The following BCAT1 variants were observed in gnomAD, a reference collection of about 807,000 sequenced individuals.
BCAT1 encodes the protein branched-chain-amino-acid aminotransferase, cytosolic.
Under a neutral mutation model 52.4 loss-of-function variants are expected in BCAT1, and 48 were observed. The observed-to-expected ratio is 0.92, with a 90% confidence interval of 0.73 to 1.16. The LOEUF is 1.16. Ranked by LOEUF, BCAT1 falls within the 50% of genes most tolerant of loss-of-function variation. The pLI is 0.00. For missense variants in BCAT1, 451 were observed against 457.1 expected (o/e 0.99, Z 0.12); for synonymous variants, 167 against 161.3 (o/e 1.04, Z -0.27).
intron 5 of BCAT1, among the ~76,000 whole-genome samples, chr12:24,858,114 GTTT>G (rs1941744923): frequency 6.6e-6 from 1 of 152,176 alleles, no homozygotes; most frequent in Non-Finnish European, 1.5e-5. Context: ...GAAACTGCAT[GTTT>G]TCCCGGCTCT....
chr12:24,816,870 G>C lies in BCAT1; in HGVS notation c.*1138C>G. 1 of 306,586 alleles carries C rather than the reference G, an allele frequency of 3.3e-6. No homozygotes were observed. The highest frequency in any genetic ancestry group is 5.9e-6 in the Non-Finnish European group (1 of 168,124). 19.0% of individuals were successfully genotyped at this position (306,586 alleles called of 1,614,324 possible). A position where few individuals can be genotyped will look rare whatever the true frequency, so the allele number is the denominator to read the frequency against. ...GCATGCAGAGTTCACAATAGGATTT[G>C]TGCTCCTATGAGAATCTAATGCTGC... is the stretch of plus-strand genomic sequence containing the variant. On this transcript the variant is annotated 3_prime_UTR_variant, in exon 11 of 11. Coordinates refer to ENST00000261192, the MANE Select transcript of BCAT1 (RefSeq NM_005504.7).
chr12:24,890,178 CCT>C (rs1273926559), intron 3 of BCAT1, among the ~76,000 whole-genome samples: 5 of 152,188 alleles, frequency 3.3e-5, no homozygotes, highest in African/African-American at 7.2e-5. Context: ...CAACTTGATG[CCT>C]CTCAGTCAGA....
intron 1 of BCAT1, among the ~76,000 whole-genome samples, chr12:24,908,607 G>A (rs1353824926): frequency 6.6e-6 from 1 of 152,046 alleles, no homozygotes; most frequent in Non-Finnish European, 1.5e-5. Flanking sequence ...TGGGCGTGGT[G>A]CCATACACCT....
At chr12:24,906,799 G>A (rs1185777149) in intron 1 of BCAT1, among the ~76,000 whole-genome samples, 2 of 152,146 alleles carry the variant, frequency 1.3e-5, no homozygotes, top group African/African-American at 2.4e-5. Context: ...GATCACCAAT[G>A]TCTATCCATT....
At chr12:24,836,353 A>G (rs571264079) in intron 8 of BCAT1, 158 bp downstream of exon 8, 89 of 655,530 alleles carry the variant, frequency 1.4e-4, no homozygotes, top group African/African-American at 1.3e-3. Context: ...TCTTGCCAAG[A>G]AAGCCCTTCT....
intron 2 of BCAT1, among the ~76,000 whole-genome samples, chr12:24,895,012 T>G (rs1250587434): frequency 3.3e-5 from 5 of 152,204 alleles, no homozygotes; most frequent in Non-Finnish European, 7.3e-5. Context: ...AATGTTTTCC[T>G]CTTTGAAAAC....
At chr12:24,894,588 C>T (rs1942918442) in intron 2 of BCAT1, 113 bp from the exon 3 acceptor site, 1 of 903,676 alleles carries the variant, frequency 1.1e-6, no homozygotes, top group Admixed American at 2.8e-5. Context: ...AGGTTAGCAG[C>T]TAACACAGAA....
intron 10 of BCAT1, among the ~76,000 whole-genome samples, chr12:24,818,367 T>C (rs1425741432): frequency 1.3e-5 from 2 of 152,224 alleles, no homozygotes; most frequent in East Asian, 1.9e-4. Context: ...TTTAGGTACA[T>C]GCCTTTTCAT....
chr12:24,835,544 A>AATTTTATTTT (rs1215115704), intron 8 of BCAT1, among the ~76,000 whole-genome samples: 4 of 149,582 alleles, frequency 2.7e-5, no homozygotes, highest in Admixed American at 1.3e-4. Flanking sequence ...AACCTTTTTA[A>AATTTTATTTT]ATTTTATTTT....
intron 1 of BCAT1, among the ~76,000 whole-genome samples, chr12:24,911,626 C>T (rs957693272): frequency 2.0e-5 from 3 of 152,100 alleles, no homozygotes; most frequent in Non-Finnish European, 4.4e-5. Context: ...ACTCACTCTG[C>T]GAGCAGACAA....
chr12:24,946,998 A>G (rs894322397), intron 1 of BCAT1, among the ~76,000 whole-genome samples: 20 of 152,136 alleles, frequency 1.3e-4, no homozygotes, highest in Non-Finnish European at 2.9e-4. Context: ...ATTGGCCAGC[A>G]TTAAATTCTT....
chr12:24,836,908 GAGAAAGAAAGAAAGAAAGAAAGAAAGAA>G (rs201215375), intron 7 of BCAT1, among the ~76,000 whole-genome samples: 2 of 40,806 alleles, frequency 4.9e-5, no homozygotes, highest in Non-Finnish European at 1.1e-4. Context: ...AAAAGAAAGA[GAGAAAGAAAGAAAGAAAGAAAGAAAGAA>G]AGAAAGAAAG....
At chr12:24,836,844 G>GGA (rs1565454315) in intron 7 of BCAT1, among the ~76,000 whole-genome samples, 1 of 125,230 alleles carries the variant, frequency 8.0e-6, no homozygotes, top group African/African-American at 3.1e-5. Context: ...GAAGGAGAGA[G>GGA]AGAGAAAGAA....
intron 1 of BCAT1, among the ~76,000 whole-genome samples, chr12:24,933,582 C>T (rs1427962333): frequency 6.6e-6 from 1 of 152,220 alleles, no homozygotes; most frequent in South Asian, 2.1e-4. Context: ...AGGGGAGGAA[C>T]CTGGTCGAAG....
Position 24,817,910 on chromosome 12 carries a change from G to T in BCAT1, c.*98C>A. ...GATACTACAAACTACATTATGCACA[G>T]GTAGCCAAAGAAATCTATCACAATT... On this transcript the variant is annotated 3_prime_UTR_variant, in exon 11 of 11. Coordinates refer to ENST00000261192, the MANE Select transcript of BCAT1 (RefSeq NM_005504.7). 7.7e-7 allele frequency: 1 copy of T among 1,290,648 alleles called. No individual in the cohort carries two copies. 79.9% of individuals were successfully genotyped at this position (1,290,648 alleles called of 1,614,324 possible). A position where few individuals can be genotyped will look rare whatever the true frequency, so the allele number is the denominator to read the frequency against.
At chr12:24,910,656 T>C (rs746111188) in intron 1 of BCAT1, among the ~76,000 whole-genome samples, 1 of 152,182 alleles carries the variant, frequency 6.6e-6, no homozygotes, top group African/African-American at 2.4e-5. Flanking sequence ...AAAGGCCCAG[T>C]ATACACAAGG....
At chr12:24,887,080 A>AAAAAAATATATATATATATATAT (rs1245203518) in intron 3 of BCAT1, among the ~76,000 whole-genome samples, 1 of 40,748 alleles carries the variant, frequency 2.5e-5, no homozygotes, top group African/African-American at 7.7e-5. Context: ...AAAAAAAAAA[A>AAAAAAATATATATATATATATAT]ATATATATAT....
chr12:24,890,981 G>A (rs1056044120), intron 3 of BCAT1, among the ~76,000 whole-genome samples: 5 of 152,112 alleles, frequency 3.3e-5, no homozygotes, highest in Non-Finnish European at 5.9e-5. Flanking sequence ...GCTTGGTGGT[G>A]GGGAGAAATC....
chr12:24,862,878 G>A (rs1941887853), intron 5 of BCAT1, among the ~76,000 whole-genome samples: 1 of 151,934 alleles, frequency 6.6e-6, no homozygotes, highest in Non-Finnish European at 1.5e-5. Context: ...ACACCCTAGA[G>A]AAAATGTCCT....
Sources: allele counts gnomAD v4.1 joint callset (sites outside exome capture counted in the v4.1 genomes callset), GRCh38; gene constraint gnomAD v4.1.1; transcripts MANE v1.5; gene names NCBI Gene and HGNC (gene_info 2026-07-23, HGNC 2026-07-21).